Variants in SMC6 observed in about 807,000 individuals in gnomAD.
SMC6 encodes the protein structural maintenance of chromosomes 6.
A neutral mutation model predicts 142.2 loss-of-function variants in SMC6; 79 were observed. The ratio of observed to expected loss-of-function variants is 0.56; its 90% CI spans 0.46 to 0.67. The LOEUF (loss-of-function observed/expected upper bound fraction) is 0.67, where lower values mean the gene tolerates loss of function less well. Ranked by LOEUF, SMC6 falls within the 30% of genes least tolerant of loss-of-function variation. The pLI, the probability that SMC6 is intolerant of heterozygous loss-of-function variation, is 0.00. For missense variants in SMC6, 1,072 were observed against 1,284.0 expected, an observed-to-expected ratio of 0.83 and a Z score of 2.52; for synonymous variants, 411 against 412.4, an observed-to-expected ratio of 1.00 and a Z score of 0.04.
chr2:17,672,128 A>G (rs1006181803), intron 25 of SMC6, among the ~76,000 whole-genome samples: 1 of 152,168 alleles, frequency 6.6e-6, no homozygotes, highest in African/African-American at 2.4e-5. Context: ...CCATATAAAA[A>G]AGCAAGAACT....
rs1201490786 is a variant in SMC6 at position 17,663,911 on chromosome 2, A to C, written c.*1588T>G. ...TCTAGTAATATTATCACTACTTAGAACATTAAAGGAAGATATTTTCACTTA... is the reference window on the plus strand; with the variant it reads ...TCTAGTAATATTATCACTACTTAGACCATTAAAGGAAGATATTTTCACTTA... On this transcript the variant is annotated 3_prime_UTR_variant, in exon 28 of 28. Transcript: ENST00000448223. 6.6e-6 allele frequency: 1 copy of C among 152,234 alleles called. No homozygotes were observed. The highest frequency in any genetic ancestry group is 1.5e-5 in the Non-Finnish European group (1 of 68,040). 9.4% of individuals were successfully genotyped at this position (152,234 alleles called of 1,614,324 possible).
At chr2:17,682,252 T>A (rs1398769854) in intron 24 of SMC6, among the ~76,000 whole-genome samples, 1 of 152,176 alleles carries the variant, frequency 6.6e-6, no homozygotes, top group Non-Finnish European at 1.5e-5. Flanking sequence ...GGGTTGAAAT[T>A]AACTTCTTCC....
chr2:17,748,929 T>C (rs1195732862), intron 2 of SMC6, among the ~76,000 whole-genome samples: 4 of 152,218 alleles, frequency 2.6e-5, no homozygotes, highest in Admixed American at 6.5e-5. Context: ...AAACACTACG[T>C]GATGACGATG....
rs541450132 is a variant in SMC6, at chr2:17,713,977, T to C, written c.1730+884A>G. 8.8e-4 allele frequency among the ~76,000 whole-genome samples: 134 copies of C among 152,264 alleles called. 2 individuals are homozygous for C. Among genetic ancestry groups the C allele is most frequent in the African/African-American group, 3.0e-3 (126 of 41,546 alleles). On this transcript the variant is annotated intron_variant, in intron 16 of 27. Transcript: ENST00000448223. ...ACTAATTTACCAAATATGAGAGACA[T>C]AGCACTAGACTTAATTAAAAAGAAG...
intron 9 of SMC6, among the ~76,000 whole-genome samples, chr2:17,722,659 A>T (rs1481996656): frequency 2.0e-5 from 3 of 152,176 alleles, no homozygotes; most frequent in Non-Finnish European, 4.4e-5. Flanking sequence ...CATTAAATAC[A>T]GTGAGTTTTG....
At chr2:17,727,513 A>G (rs1266464492) in intron 7 of SMC6, among the ~76,000 whole-genome samples, 5 of 150,148 alleles carry the variant, frequency 3.3e-5, no homozygotes. Flanking sequence ...CTTTATATAT[A>G]TATATATATA....
intron 14 of SMC6, 134 bp from the exon 15 acceptor site, chr2:17,716,398 T>C (rs1183928089): frequency 6.1e-6 from 5 of 825,338 alleles, no homozygotes; most frequent in Non-Finnish European, 9.0e-6. Flanking sequence ...GAATTATTTA[T>C]TTGAAAATAA....
At chr2:17,691,233 TACACACAC>T (rs138226968) in intron 23 of SMC6, among the ~76,000 whole-genome samples, 1 of 123,164 alleles carries the variant, frequency 8.1e-6, no homozygotes, top group African/African-American at 3.0e-5. Context: ...AAAATGTGTA[TACACACAC>T]ACACACACAC....
At position 17,683,665 on chromosome 2, in the gene SMC6, C is replaced by T; in HGVS notation, c.2777G>A (p.Arg926Lys). Residue 926 changes from arginine (R) to lysine (K), a missense_variant, in exon 24 of 28, where the codon AGA (arginine) becomes AAA (lysine). Physicochemically the swap from Arg to Lys is conservative, Grantham distance 26 (BLOSUM62 2). Coordinates refer to ENST00000448223, the MANE Select transcript of SMC6 (RefSeq NM_001142286.2). Reference sequence around the variant, plus strand: ...TCTAAATTGTTGATATGTCTTGAATCTGTGCTCCATGATTTCTCCCAGTAA... The same window carrying T: ...TCTAAATTGTTGATATGTCTTGAATTTGTGCTCCATGATTTCTCCCAGTAA... ...IKLLGEIMEH[R>K]FKTYQQFRRC... 6.2e-7 allele frequency: 1 copy of T among 1,612,016 alleles called. No homozygotes were observed. The highest frequency in any genetic ancestry group is 8.5e-7 in the Non-Finnish European group (1 of 1,178,392).
At chr2:17,681,531 A>G (rs1667237886) in intron 24 of SMC6, 1 of 152,184 alleles carries the variant, frequency 6.6e-6, no homozygotes, top group African/African-American at 2.4e-5. Flanking sequence ...TTTCACTTGG[A>G]CACTCAGAGG....
intron 23 of SMC6, among the ~76,000 whole-genome samples, chr2:17,692,241 T>C (rs1667767343): frequency 6.6e-6 from 1 of 152,158 alleles, no homozygotes; most frequent in Admixed American, 6.5e-5. Context: ...AGAGCCCGCG[T>C]TGCCAAGTCA....
intron 2 of SMC6, among the ~76,000 whole-genome samples, chr2:17,749,519 C>G (rs1413579616): frequency 6.6e-6 from 1 of 152,108 alleles, no homozygotes; most frequent in Non-Finnish European, 1.5e-5. Flanking sequence ...GAAACCCCGT[C>G]TCTACTAAAA....
chr2:17,741,780 T>C (rs1409512704), intron 3 of SMC6, 51 bp from the exon 4 acceptor site: 2 of 1,236,384 alleles, frequency 1.6e-6, no homozygotes, highest in South Asian at 1.4e-5. Flanking sequence ...TCACTCATTA[T>C]AACCATTCAA....
At chr2:17,716,013 T>G (rs1026142025) in intron 15 of SMC6, 73 bp downstream of exon 15, 1 of 1,129,290 alleles carries the variant, frequency 8.9e-7, no homozygotes, top group African/African-American at 1.6e-5. Flanking sequence ...TTTCGAAAAC[T>G]TCATTCAATC....
At chr2:17,682,441 T>TG (rs1572259032) in intron 24 of SMC6, among the ~76,000 whole-genome samples, 1 of 152,142 alleles carries the variant, frequency 6.6e-6, no homozygotes, top group African/African-American at 2.4e-5. Flanking sequence ...TTTCAGGAGC[T>TG]GGAGCTGGGA....
At chr2:17,691,676 A>C (rs1237843604) in intron 23 of SMC6, among the ~76,000 whole-genome samples, 2 of 152,062 alleles carry the variant, frequency 1.3e-5, no homozygotes, top group Non-Finnish European at 2.9e-5. Flanking sequence ...GCCCTCTCTC[A>C]CCACTCCTAT....
chr2:17,749,700 A>C (rs1349367688), intron 2 of SMC6, among the ~76,000 whole-genome samples: 1 of 152,208 alleles, frequency 6.6e-6, no homozygotes, highest in Non-Finnish European at 1.5e-5. Flanking sequence ...AAAGAAAAAA[A>C]AAATTAATAA....
At chr2:17,715,804 T>C (rs1669055858) in intron 15 of SMC6, among the ~76,000 whole-genome samples, 1 of 152,150 alleles carries the variant, frequency 6.6e-6, no homozygotes, top group East Asian at 1.9e-4. Flanking sequence ...TGGTTTTTTC[T>C]GAATAATCAA....
chr2:17,725,459 CA>C (rs1458342625), intron 8 of SMC6, 101 bp from the exon 9 acceptor site: 1 of 687,496 alleles, frequency 1.5e-6, no homozygotes, highest in African/African-American at 1.8e-5. Context: ...ACTTTTAGAT[CA>C]ATGATGTAAA....
Sources: allele counts gnomAD v4.1 joint callset (sites outside exome capture counted in the v4.1 genomes callset), GRCh38; gene constraint gnomAD v4.1.1; transcripts MANE v1.5; gene names NCBI Gene and HGNC (gene_info 2026-07-23, HGNC 2026-07-21).